C1QA: variants seen among roughly 807,000 people sequenced by gnomAD.
C1QA encodes complement C1q A chain.
In C1QA, 3 loss-of-function variants were observed where a neutral mutation model predicts 6.9. That is an observed-to-expected ratio of 0.44 (90% CI 0.20 to 1.12). The LOEUF (loss-of-function observed/expected upper bound fraction) is 1.12, where lower values mean the gene tolerates loss of function less well. Among genes scored for constraint, C1QA ranks in the 50% most tolerant of loss-of-function variants. The probability of loss-of-function intolerance (pLI) is 0.27; values close to 1 mark genes in which losing one functional copy is unlikely to be tolerated. For missense variants in C1QA, 273 were observed against 326.6 expected (o/e 0.84, Z 1.26); for synonymous variants, 128 against 134.1 (o/e 0.95, Z 0.31).
rs1332792872 is a variant in C1QA at position 22,639,375 on chromosome 1, T to G, written c.706T>G (p.Phe236Val). The G allele has an allele frequency of 6.2e-7, 1 of 1,613,944 alleles. No homozygotes were observed. Among genetic ancestry groups the G allele is most frequent in the South Asian group, 1.1e-5 (1 of 91,080 alleles). ...IYQGSEADSV[F>V]SGFLIFPSA ...CCAGGGCTCTGAGGCCGACAGCGTC[T>G]TCAGCGGCTTCCTCATCTTCCCATC... Residue 236 changes from phenylalanine to valine, a missense_variant, in exon 3 of 3, where the codon TTC becomes GTC. Transcript: ENST00000374642. The surrounding 1 kb of genome is among the most constrained non-coding windows in gnomAD (Gnocchi z 4.6).
In C1QA at chr1:22,637,515, A is replaced by T. The variant is rs1570071329; in HGVS notation, c.-7-95A>T. 6.9e-7 allele frequency: 1 copy of T among 1,452,082 alleles called. No homozygotes were observed. The highest frequency in any genetic ancestry group is 2.4e-5 in the East Asian group (1 of 41,952). 89.9% of individuals were successfully genotyped at this position (1,452,082 alleles called of 1,614,324 possible). On this transcript the variant is annotated intron_variant, in intron 1 of 2. Transcript: ENST00000374642. The surrounding 1 kb of genome is among the most constrained non-coding windows in gnomAD (Gnocchi z 4.4). ...GAGGGTGCATGTGCACTTGGGGAGG[A>T]CTGTGCATATATCATTGTGTGCATG...
At chr1:22,638,564 A>G (rs754419714) in intron 2 of C1QA, among the ~76,000 whole-genome samples, 43 of 152,224 alleles carry the variant, frequency 2.8e-4, no homozygotes, top group Non-Finnish European at 4.4e-4. Context: ...TTGGGCAGGA[A>G]CACAGCAGAG....
At position 22,637,150 on chromosome 1, in the gene C1QA, C is replaced by T. The variant is rs1642193063; in HGVS notation, c.-8+448C>T. On this transcript the variant is annotated intron_variant, in intron 1 of 2. Coordinates refer to ENST00000374642, the MANE Select transcript of C1QA (RefSeq NM_015991.4). This position sits in a 1 kb window ranked among gnomAD's most constrained non-coding sequence, Gnocchi z 4.4. ...TGTGAATTCCTGTGTGTATGCAGAG[C>T]TCCACCATCTGGGTGAGCCAGTGTT... Among the ~76,000 whole-genome samples the T allele has an allele frequency of 6.6e-6, 1 of 152,190 alleles. No individual in the cohort carries two copies. Among genetic ancestry groups the T allele is most frequent in the Non-Finnish European group, 1.5e-5 (1 of 68,030 alleles).
At chr1:22,638,786 C>G (rs748583157) in intron 2 of C1QA, 47 bp from the exon 3 acceptor site, 221 of 1,546,340 alleles carry the variant, frequency 1.4e-4, no homozygotes, top group Admixed American at 2.0e-4. Flanking sequence ...CCCTGAGGAC[C>G]AGTAGGCATT....
chr1:22,636,958 G>A (rs992961456), intron 1 of C1QA: 1 of 153,658 alleles, frequency 6.5e-6, no homozygotes, highest in African/African-American at 2.4e-5. Context: ...CAGGGTTCCT[G>A]GGTCCTGGCC....
Position 22,638,939 on chromosome 1 carries a change from C to T in C1QA, c.270C>T (p.Pro90=), listed in dbSNP as rs779568085. The T allele has an allele frequency of 2.5e-6, 4 of 1,600,372 alleles. No individual in the cohort carries two copies. Among genetic ancestry groups the T allele is most frequent in the Non-Finnish European group, 3.4e-6 (4 of 1,173,830 alleles). Residue 90 remains proline (P), a synonymous_variant, in exon 3 of 3, where the codon CCC becomes CCT. Coordinates refer to ENST00000374642, the MANE Select transcript of C1QA (RefSeq NM_015991.4). ...TGGGCTACCCAGGGCCCAGCGGCCCCCTCGGAGCCCGTGGCATCCCGGGAA... is the reference window on the plus strand; with the variant it reads ...TGGGCTACCCAGGGCCCAGCGGCCCTCTCGGAGCCCGTGGCATCCCGGGAA... The part of the protein sequence containing the change: ...GKVGYPGPSG[P]LGARGIPGIK...
rs1179706828 is a variant in C1QA at position 22,637,431 on chromosome 1, G to C, written c.-7-179G>C. On this transcript the variant is annotated intron_variant, in intron 1 of 2. Coordinates refer to ENST00000374642, the MANE Select transcript of C1QA (RefSeq NM_015991.4). This position sits in a 1 kb window ranked among gnomAD's most constrained non-coding sequence, Gnocchi z 4.4. ...ATGTGTGGATGTGTGTGAGTTTGTG[G>C]TTCTGTGTATATGCGTGGGGTCCTG... is the stretch of plus-strand genomic sequence containing the variant. 1.1e-5 allele frequency: 8 copies of C among 698,822 alleles called. No homozygotes were observed. Among genetic ancestry groups the C allele is most frequent in the Non-Finnish European group, 2.0e-5 (8 of 406,122 alleles). The allele number at this position is 698,822 out of a possible 1,614,324, so 43.3% of individuals were successfully genotyped here.
At position 22,639,343 on chromosome 1, in the gene C1QA, A is replaced by C; in HGVS notation, c.674A>C (p.His225Pro). ...VWVEKDPKKG[H>P]IYQGSEADSV... ...GTTGAAAAAGACCCCAAAAAGGGTC[A>C]CATTTACCAGGGCTCTGAGGCCGAC... Residue 225 changes from histidine (H) to proline (P), a missense_variant, in exon 3 of 3, where the codon CAC (histidine) becomes CCC (proline). Physicochemically the swap from His to Pro is moderately conservative, Grantham distance 77 (BLOSUM62 -2). Coordinates refer to ENST00000374642, the MANE Select transcript of C1QA (RefSeq NM_015991.4). This position sits in a 1 kb window ranked among gnomAD's most constrained non-coding sequence, Gnocchi z 4.6. The C allele has an allele frequency of 6.2e-7, 1 of 1,614,162 alleles. No individual in the cohort carries two copies. The highest frequency in any genetic ancestry group is 8.5e-7 in the Non-Finnish European group (1 of 1,180,024).
Position 22,637,497 on chromosome 1 carries a change from C to T in C1QA, c.-7-113C>T. 1 of 1,303,718 alleles carries T rather than the reference C, an allele frequency of 7.7e-7. No homozygotes were observed. The highest frequency in any genetic ancestry group is 1.3e-5 in the South Asian group (1 of 77,276). The allele number at this position is 1,303,718 out of a possible 1,614,324, so 80.8% of individuals were successfully genotyped here. A position where few individuals can be genotyped will look rare whatever the true frequency, so the allele number is the denominator to read the frequency against. On this transcript the variant is annotated intron_variant, in intron 1 of 2. Transcript: ENST00000374642. The surrounding 1 kb of genome is among the most constrained non-coding windows in gnomAD (Gnocchi z 4.4). Reference sequence around the variant, plus strand: ...TGGACATTGAGAGCCCCAGAGGGTGCATGTGCACTTGGGGAGGACTGTGCA... The same window carrying T: ...TGGACATTGAGAGCCCCAGAGGGTGTATGTGCACTTGGGGAGGACTGTGCA...
rs945906756 is a variant in C1QA, at chr1:22,637,854, G to T, written c.163+75G>T. 8.8e-6 allele frequency: 13 copies of T among 1,471,342 alleles called. No homozygotes were observed. In the Admixed American group the frequency reaches 2.8e-4, roughly 32 times the overall value. 91.1% of individuals were successfully genotyped at this position (1,471,342 alleles called of 1,614,324 possible). A position where few individuals can be genotyped will look rare whatever the true frequency, so the allele number is the denominator to read the frequency against. ...GCCTCCAGGGTGAAGGCTTGGGGTG[G>T]CACTGAGAATCAGGAGTCCGTCTGC... On this transcript the variant is annotated intron_variant, in intron 2 of 2. Transcript: ENST00000374642. The surrounding 1 kb of genome is among the most constrained non-coding windows in gnomAD (Gnocchi z 4.4).
rs371415003 is a variant in C1QA at position 22,639,097 on chromosome 1, C to T, written c.428C>T (p.Pro143Leu). The change falls in exon 3 of 3, where the codon CCG becomes CTG. Residue 143 changes from proline to leucine, a missense_variant. Coordinates refer to ENST00000374642, the MANE Select transcript of C1QA (RefSeq NM_015991.4). This position sits in a 1 kb window ranked among gnomAD's most constrained non-coding sequence, Gnocchi z 4.6. ...ACGGTCATCACCAACCAGGAAGAAC[C>T]GTACCAGAACCACTCCGGCCGATTC... ...FDTVITNQEE[P>L]YQNHSGRFVC... 28 of 1,614,148 alleles carry T rather than the reference C, an allele frequency of 1.7e-5. No individual in the cohort carries two copies. Among genetic ancestry groups the T allele is most frequent in the Non-Finnish European group, 2.3e-5 (27 of 1,180,062 alleles).
chr1:22,637,480 G>C lies in C1QA; in HGVS notation c.-7-130G>C. The C allele has an allele frequency of 8.5e-7, 1 of 1,169,944 alleles. No homozygotes were observed. Among genetic ancestry groups the C allele is most frequent in the Non-Finnish European group, 1.2e-6 (1 of 812,280 alleles). 72.5% of individuals were successfully genotyped at this position (1,169,944 alleles called of 1,614,324 possible). On this transcript the variant is annotated intron_variant, in intron 1 of 2. Coordinates refer to ENST00000374642, the MANE Select transcript of C1QA (RefSeq NM_015991.4). The surrounding 1 kb of genome is among the most constrained non-coding windows in gnomAD (Gnocchi z 4.4). The stretch of plus-strand genomic sequence containing the variant: ...TGGGGCTGGATTGAGAGTGGACATT[G>C]AGAGCCCCAGAGGGTGCATGTGCAC...
chr1:22,637,485 C>A lies in C1QA; in HGVS notation c.-7-125C>A. 4.1e-6 allele frequency: 5 copies of A among 1,224,702 alleles called. No homozygotes were observed. In the South Asian group the frequency reaches 5.5e-5, roughly 13 times the overall value. 75.9% of individuals were successfully genotyped at this position (1,224,702 alleles called of 1,614,324 possible). A position where few individuals can be genotyped will look rare whatever the true frequency, so the allele number is the denominator to read the frequency against. On this transcript the variant is annotated intron_variant, in intron 1 of 2. Coordinates refer to ENST00000374642, the MANE Select transcript of C1QA (RefSeq NM_015991.4). The surrounding 1 kb of genome is among the most constrained non-coding windows in gnomAD (Gnocchi z 4.4). ...CTGGATTGAGAGTGGACATTGAGAG[C>A]CCCAGAGGGTGCATGTGCACTTGGG...
rs1357927257 is a variant in C1QA, at chr1:22,638,895, T to C, written c.226T>C (p.Ser76Pro). ...LKGDQGEPGP[S>P]GNPGKVGYPG... The stretch of plus-strand genomic sequence containing the variant: ...AGGAGACCAGGGGGAACCTGGGCCC[T>C]CTGGAAACCCCGGCAAGGTGGGCTA... Residue 76 changes from serine (S) to proline (P), a missense_variant, in exon 3 of 3, where the codon TCT becomes CCT. Coordinates refer to ENST00000374642, the MANE Select transcript of C1QA (RefSeq NM_015991.4). 3.1e-6 allele frequency: 5 copies of C among 1,597,022 alleles called. No homozygotes were observed. Among genetic ancestry groups the C allele is most frequent in the Non-Finnish European group, 4.3e-6 (5 of 1,172,438 alleles).
chr1:22,638,848 G>T lies in C1QA; in HGVS notation c.179G>T (p.Arg60Leu). The change falls in exon 3 of 3, where the codon CGG becomes CTG. Residue 60 changes from arginine (R) to leucine (L), a missense_variant. By Grantham distance (102) the Arg-to-Leu change is moderately radical (BLOSUM62 -2). Coordinates refer to ENST00000374642, the MANE Select transcript of C1QA (RefSeq NM_015991.4). ...EQGEPGAPGI[R>L]TGIQGLKGDQ... ...CTCCCCACAGGGGCCCCTGGCATCC[G>T]GACAGGCATCCAAGGCCTTAAAGGA... 1 of 1,587,308 alleles carries T rather than the reference G, an allele frequency of 6.3e-7. No individual in the cohort carries two copies. The highest frequency in any genetic ancestry group is 1.8e-5 in the Admixed American group (1 of 55,724).
At position 22,639,203 on chromosome 1, in the gene C1QA, C is replaced by T. The variant is rs368473383; in HGVS notation, c.534C>T (p.Ser178=). Residue 178 remains serine, a synonymous_variant, in exon 3 of 3, where the codon TCC becomes TCT. Transcript: ENST00000374642. This position sits in a 1 kb window ranked among gnomAD's most constrained non-coding sequence, Gnocchi z 4.6. ...QWEICLSIVS[S]SRGQVRRSLG... Reference sequence around the variant, plus strand: ...AAATCTGCCTGTCCATCGTCTCCTCCTCAAGGGGCCAGGTCCGACGCTCCC... The same window carrying T: ...AAATCTGCCTGTCCATCGTCTCCTCTTCAAGGGGCCAGGTCCGACGCTCCC... The T allele has an allele frequency of 9.1e-4, 1,466 of 1,614,264 alleles. 26 individuals carry two copies. In the South Asian group the frequency reaches 0.015, roughly 16 times the overall value.
rs781752563 is a variant in C1QA, at chr1:22,638,923, C to A, written c.254C>A (p.Pro85Gln). Residue 85 changes from proline to glutamine, a missense_variant, in exon 3 of 3, where the codon CCA (proline) becomes CAA (glutamine). Pro to Gln is a moderately conservative substitution (Grantham distance 76). Coordinates refer to ENST00000374642, the MANE Select transcript of C1QA (RefSeq NM_015991.4). ...GGAAACCCCGGCAAGGTGGGCTACC[C>A]AGGGCCCAGCGGCCCCCTCGGAGCC... Reference protein sequence around the residue: ...PSGNPGKVGYPGPSGPLGARG... With the variant: ...PSGNPGKVGYQGPSGPLGARG... The A allele has an allele frequency of 3.8e-6, 6 of 1,595,910 alleles. No homozygotes were observed.
In C1QA at chr1:22,638,980, G is replaced by A. The variant is rs1459271752; in HGVS notation, c.311G>A (p.Gly104Asp). 1 of 1,611,770 alleles carries A rather than the reference G, an allele frequency of 6.2e-7. No homozygotes were observed. The highest frequency in any genetic ancestry group is 1.1e-5 in the South Asian group (1 of 90,766). The change falls in exon 3 of 3, where the codon GGC (glycine) becomes GAC (aspartate). Residue 104 changes from glycine to aspartate, a missense_variant. Transcript: ENST00000374642. Reference sequence around the variant, plus strand: ...ATCCCGGGAATTAAAGGCACCAAGGGCAGCCCAGGAAACATCAAGGACCAG... The same window carrying A: ...ATCCCGGGAATTAAAGGCACCAAGGACAGCCCAGGAAACATCAAGGACCAG... ...RGIPGIKGTK[G>D]SPGNIKDQPR...
rs1289399952 is a variant in C1QA at position 22,637,699 on chromosome 1, C to T, written c.83C>T (p.Ala28Val). The T allele has an allele frequency of 1.2e-6, 2 of 1,613,794 alleles. No individual in the cohort carries two copies. The highest frequency in any genetic ancestry group is 1.7e-6 in the Non-Finnish European group (2 of 1,179,926). ...ASMVTEDLCR[A>V]PDGKKGEAGR... ...ATGGTGACCGAGGACTTGTGCCGAG[C>T]ACCAGACGGGAAGAAAGGGGAGGCA... Residue 28 changes from alanine (A) to valine (V), a missense_variant, in exon 2 of 3, where the codon GCA becomes GTA. Coordinates refer to ENST00000374642, the MANE Select transcript of C1QA (RefSeq NM_015991.4). This position sits in a 1 kb window ranked among gnomAD's most constrained non-coding sequence, Gnocchi z 4.4.
Sources: gnomAD v4.1 joint callset for allele counts (sites outside exome capture counted in the v4.1 genomes callset) on GRCh38, gnomAD v4.1.1 for gene constraint, Gnocchi (gnomAD v3.1) non-coding constraint, MANE v1.5 for transcripts, NCBI Gene and HGNC (gene_info 2026-07-23, HGNC 2026-07-21) for gene names.